Variants in FADS2 observed in about 807,000 individuals in gnomAD.
FADS2 encodes acyl-CoA 6-desaturase.
FADS2 carries 18 observed loss-of-function variants against 61.2 expected under a neutral mutation model. The observed-to-expected ratio is 0.29, with a 90% CI of 0.20 to 0.44. The LOEUF (loss-of-function observed/expected upper bound fraction) is 0.44, where lower values mean the gene tolerates loss of function less well. Among genes scored for constraint, FADS2 ranks in the 20% least tolerant of loss-of-function variants. The pLI, the probability that FADS2 is intolerant of heterozygous loss-of-function variation, is 1.00. For missense variants in FADS2, 322 were observed against 572.7 expected, an observed-to-expected ratio of 0.56 and a Z score of 4.47; for synonymous variants, 203 against 223.9, an observed-to-expected ratio of 0.91 and a Z score of 0.83.
At chr11:61,859,089 C>T (rs1002972139) in intron 7 of FADS2, among the ~76,000 whole-genome samples, 5 of 151,904 alleles carry the variant, frequency 3.3e-5, no homozygotes, top group African/African-American at 9.7e-5. Flanking sequence ...TGGAGTTTCG[C>T]TCTTGTTGCC....
intron 5 of FADS2, among the ~76,000 whole-genome samples, chr11:61,853,967 G>T (rs934782497): frequency 2.6e-5 from 4 of 152,192 alleles, no homozygotes; most frequent in African/African-American, 9.7e-5. Context: ...TGGCCTTGAG[G>T]TGCATGGAGA....
intron 5 of FADS2, 85 bp downstream of exon 5, chr11:61,848,369 G>A (rs2067278720): frequency 1.3e-6 from 2 of 1,588,094 alleles, no homozygotes; most frequent in African/African-American, 1.3e-5. Flanking sequence ...AGGAGATGGT[G>A]TTGACCTAGG....
chr11:61,821,454 G>A (rs1247111936), intron 1 of FADS2: 1 of 701,056 alleles, frequency 1.4e-6, no homozygotes, highest in South Asian at 1.5e-5. Context: ...AGTGGCTGTT[G>A]GAATAACCTG....
intron 1 of FADS2, among the ~76,000 whole-genome samples, chr11:61,818,813 G>A (rs927408963): frequency 2.0e-5 from 3 of 152,118 alleles, no homozygotes; most frequent in African/African-American, 7.2e-5. Flanking sequence ...CATACTGCTG[G>A]TAGAAGTGTA....
intron 10 of FADS2, among the ~76,000 whole-genome samples, 167 bp from the exon 11 acceptor site, chr11:61,864,985 C>T (rs1426013859): frequency 2.0e-5 from 3 of 152,230 alleles, no homozygotes; most frequent in East Asian, 1.9e-4. Context: ...CCTCCACACA[C>T]GTGGCACCCC....
chr11:61,846,461 C>G (rs560464911), intron 4 of FADS2: 31 of 150,436 alleles, frequency 2.1e-4, no homozygotes, highest in East Asian at 3.9e-4. Context: ...TGAGGCCTGC[C>G]AGTTTCCAGG....
upstream of FADS2, chr11:61,826,306 C>G (rs2067085101): frequency 2.8e-6 from 2 of 702,574 alleles, no homozygotes; most frequent in East Asian, 5.4e-5. Flanking sequence ...TGGTACTGTG[C>G]TGGGAGCCGC....
At chr11:61,854,283 T>C (rs1029280160) in intron 5 of FADS2, 13 of 152,262 alleles carry the variant, frequency 8.5e-5, no homozygotes, top group Non-Finnish European at 1.8e-4. Flanking sequence ...CTGACTCTTG[T>C]TGAGTGAGTC....
intron 5 of FADS2, chr11:61,855,863 G>A (rs191989694): frequency 5.9e-5 from 9 of 152,516 alleles, no homozygotes; most frequent in Admixed American, 5.9e-4. Context: ...ACTATAGGAG[G>A]AGGCATCTCT....
chr11:61,848,622 A>T (rs2067280910), intron 5 of FADS2: 1 of 243,740 alleles, frequency 4.1e-6, no homozygotes, highest in South Asian at 8.2e-5. Context: ...TTAGAATGGT[A>T]GATGTCTCCC....
At chr11:61,833,114 C>T (rs987174309) in intron 1 of FADS2, among the ~76,000 whole-genome samples, 1 of 152,162 alleles carries the variant, frequency 6.6e-6, no homozygotes, top group Non-Finnish European at 1.5e-5. Context: ...ACAAGCGCTT[C>T]AGAATCAGGG....
At chr11:61,824,394 AAGAGAGAGAGAGAG>A (rs1193068439), upstream of FADS2, among the ~76,000 whole-genome samples, 7 of 17,386 alleles carry the variant, frequency 4.0e-4, no homozygotes, top group African/African-American at 1.2e-3. Context: ...GGGAAAAAAA[AAGAGAGAGAGAGAG>A]AGAGAGAGAG....
At chr11:61,858,612 G>A (rs1388934659) in intron 7 of FADS2, among the ~76,000 whole-genome samples, 1 of 148,932 alleles carries the variant, frequency 6.7e-6, no homozygotes, top group Admixed American at 6.7e-5. Flanking sequence ...TTGAGATGGT[G>A]TTTCGCTCTG....
At chr11:61,825,068 C>T (rs577653311), upstream of FADS2, among the ~76,000 whole-genome samples, 7 of 151,958 alleles carry the variant, frequency 4.6e-5, no homozygotes, top group South Asian at 6.2e-4. Flanking sequence ...CCACCCACCA[C>T]GGCCTCCTAA....
rs373047940 is a variant in FADS2 at position 61,830,557 on chromosome 11, A to G, written c.207+1960A>G. ...CTCATAAAAATGTAATAGTCTCGTC[A>G]TTTCTGGTCCTGCTCCAGCGCTTTC... On this transcript the variant is annotated intron_variant, in intron 1 of 11. Coordinates refer to ENST00000278840, the MANE Select transcript of FADS2 (RefSeq NM_004265.4). 8.1e-4 allele frequency among the ~76,000 whole-genome samples: 123 copies of G among 152,140 alleles called. 1 individual carries two copies. Among genetic ancestry groups the G allele is most frequent in the Non-Finnish European group, 1.6e-3 (107 of 68,040 alleles).
chr11:61,851,336 C>T (rs1157035417), intron 5 of FADS2, among the ~76,000 whole-genome samples: 1 of 152,224 alleles, frequency 6.6e-6, no homozygotes, highest in African/African-American at 2.4e-5. Context: ...CCTTTCCCGA[C>T]ATCTTCTCAC....
rs1270089061 is a variant in FADS2, at chr11:61,841,523, AC to A, written c.618+807del. ...AGACCAGCCTGGGCAACATAGTGAG[AC>A]CCCCCCCCATCTCTCAAAAAAAAAA... On this transcript the variant is annotated intron_variant, in intron 4 of 11. Coordinates refer to ENST00000278840, the MANE Select transcript of FADS2 (RefSeq NM_004265.4). Among the ~76,000 whole-genome samples, 462 of 127,008 alleles carry A rather than the reference AC, an allele frequency of 3.6e-3. 1 individual carries two copies. The highest frequency in any genetic ancestry group is 5.3e-3 in the South Asian group (20 of 3,770). The allele number at this position is 127,008 out of a possible 152,430, so 83.3% of individuals were successfully genotyped here. A position where few individuals can be genotyped will look rare whatever the true frequency, so the allele number is the denominator to read the frequency against.
chr11:61,838,204 T>C (rs1010463251), intron 2 of FADS2, among the ~76,000 whole-genome samples: 14 of 152,156 alleles, frequency 9.2e-5, no homozygotes, highest in African/African-American at 3.4e-4. Flanking sequence ...AAATGTCATT[T>C]GATGACAAGA....
chr11:61,862,559 A>C, intron 7 of FADS2: 1 of 226,640 alleles, frequency 4.4e-6, no homozygotes, highest in Non-Finnish European at 8.8e-6. Context: ...TCCTGCTGGA[A>C]GGAGATGCCA....
Sources: gnomAD v4.1 joint callset for allele counts (sites outside exome capture counted in the v4.1 genomes callset) on GRCh38, gnomAD v4.1.1 for gene constraint, MANE v1.5 for transcripts, NCBI Gene and HGNC (gene_info 2026-07-23, HGNC 2026-07-21) for gene names.